DLG2: variants seen among roughly 807,000 people sequenced by gnomAD.
The protein encoded by DLG2 is disks large homolog 2.
A neutral mutation model predicts 132.5 loss-of-function variants in DLG2; 45 were observed. That is an observed-to-expected ratio of 0.34 (90% CI 0.27 to 0.44). DLG2 has a LOEUF of 0.44. DLG2 is among the 20% of genes least tolerant of loss of function. The pLI is 1.00. For missense variants in DLG2, 1,045 were observed against 1,196.9 expected (o/e 0.87, Z 1.87); for synonymous variants, 424 against 419.6 (o/e 1.01, Z -0.13).
At chr11:84,561,890 A>G (rs1313874573) in intron 6 of DLG2, among the ~76,000 whole-genome samples, 1 of 152,166 alleles carries the variant, frequency 6.6e-6, no homozygotes, top group East Asian at 1.9e-4. Flanking sequence ...ATATATGTCA[A>G]ACGAAATTGC....
chr11:83,791,973 T>A (rs995216616), intron 17 of DLG2, among the ~76,000 whole-genome samples: 1 of 152,266 alleles, frequency 6.6e-6, no homozygotes, highest in African/African-American at 2.4e-5. Flanking sequence ...ATTGCCTTTT[T>A]ATTTAACTGA....
At chr11:83,792,165 T>C (rs1452657308) in intron 17 of DLG2, among the ~76,000 whole-genome samples, 1 of 152,184 alleles carries the variant, frequency 6.6e-6, no homozygotes, top group Non-Finnish European at 1.5e-5. Flanking sequence ...TTGTTAAGGT[T>C]GTTTCCAGTT....
intron 6 of DLG2, among the ~76,000 whole-genome samples, chr11:85,108,606 T>C (rs1376404929): frequency 6.6e-6 from 1 of 152,058 alleles, no homozygotes; most frequent in Non-Finnish European, 1.5e-5. Flanking sequence ...TATTTCATCA[T>C]TTTTTAAATA....
chr11:85,402,517 T>G (rs1272965698), intron 3 of DLG2, among the ~76,000 whole-genome samples: 1 of 151,890 alleles, frequency 6.6e-6, no homozygotes, highest in African/African-American at 2.4e-5. Flanking sequence ...AAAGAGCTTC[T>G]GCACAGCAAA....
At chr11:84,108,150 G>A (rs973804622) in intron 9 of DLG2, among the ~76,000 whole-genome samples, 3 of 152,110 alleles carry the variant, frequency 2.0e-5, no homozygotes, top group Non-Finnish European at 4.4e-5. Flanking sequence ...ATGGAGATAC[G>A]ATAAGGTGAA....
At chr11:83,771,577 C>A (rs1417869526) in intron 18 of DLG2, among the ~76,000 whole-genome samples, 1 of 152,122 alleles carries the variant, frequency 6.6e-6, no homozygotes, top group African/African-American at 2.4e-5. Context: ...TGTTACTGTA[C>A]TGAATACTCT....
rs531470200 is a variant in DLG2 at position 85,317,922 on chromosome 11, A to G, written c.41-32557T>C. 8.6e-5 allele frequency among the ~76,000 whole-genome samples: 13 copies of G among 151,990 alleles called. No individual in the cohort carries two copies. In the South Asian group the frequency reaches 2.7e-3, roughly 32 times the overall value. ...GAACCTAAAAAAAAAATAGCACCCA[A>G]TTTAGGATATATTTCATGTAAGTGT... is the stretch of plus-strand genomic sequence containing the variant. On this transcript the variant is annotated intron_variant, in intron 3 of 27. Coordinates refer to ENST00000376104, the MANE Select transcript of DLG2 (RefSeq NM_001142699.3).
chr11:84,719,755 T>C (rs2061588719), intron 6 of DLG2, among the ~76,000 whole-genome samples: 1 of 152,086 alleles, frequency 6.6e-6, no homozygotes, highest in Non-Finnish European at 1.5e-5. Context: ...TGATTTCAAG[T>C]GGATTGTATA....
intron 6 of DLG2, among the ~76,000 whole-genome samples, chr11:84,829,889 G>T (rs1298729442): frequency 6.6e-6 from 1 of 151,536 alleles, no homozygotes; most frequent in African/African-American, 2.4e-5. Context: ...CCTAACTCAG[G>T]TCTACATTAA....
chr11:84,918,620 A>G (rs1474559230), intron 6 of DLG2, among the ~76,000 whole-genome samples: 1 of 152,148 alleles, frequency 6.6e-6, no homozygotes, highest in Non-Finnish European at 1.5e-5. Context: ...TTAGGCTTCA[A>G]TAAATTGTTT....
chr11:83,552,108 G>A (rs750646260), intron 19 of DLG2, among the ~76,000 whole-genome samples: 44 of 152,134 alleles, frequency 2.9e-4, no homozygotes, highest in Non-Finnish European at 5.6e-4. Context: ...CTAGTAAAAC[G>A]AGATTGGCAA....
At chr11:84,508,964 A>T (rs1432278680) in intron 7 of DLG2, among the ~76,000 whole-genome samples, 1 of 152,230 alleles carries the variant, frequency 6.6e-6, no homozygotes, top group Non-Finnish European at 1.5e-5. Context: ...CTACCAATGT[A>T]TAAAAATTAG....
At chr11:85,020,616 C>T in intron 6 of DLG2, among the ~76,000 whole-genome samples, 1 of 152,114 alleles carries the variant, frequency 6.6e-6, no homozygotes, top group East Asian at 1.9e-4. Flanking sequence ...AGTCTTTAAT[C>T]CATCTTGAAT....
chr11:83,919,717 C>T (rs1191012552), intron 15 of DLG2, among the ~76,000 whole-genome samples: 5 of 152,144 alleles, frequency 3.3e-5, no homozygotes, highest in Non-Finnish European at 5.9e-5. Flanking sequence ...GTTTCCTCAT[C>T]TGGAAAATAT....
chr11:84,162,314 A>T (rs1000679818), intron 9 of DLG2, among the ~76,000 whole-genome samples: 15 of 151,952 alleles, frequency 9.9e-5, no homozygotes, highest in Admixed American at 3.9e-4. Context: ...GAGTGTATTT[A>T]TGTATATATA....
intron 7 of DLG2, among the ~76,000 whole-genome samples, chr11:84,355,082 C>A (rs1413686397): frequency 2.6e-5 from 4 of 151,980 alleles, no homozygotes; most frequent in African/African-American, 9.7e-5. Flanking sequence ...GTATAGTTCT[C>A]CTACCCCAGA....
intron 18 of DLG2, chr11:83,693,610 T>C (rs1329897574): frequency 6.6e-6 from 1 of 152,178 alleles, no homozygotes; most frequent in African/African-American, 2.4e-5. Context: ...TCACATTGTT[T>C]TGTCCTTGCT....
At chr11:84,902,048 C>CA (rs918761121) in intron 6 of DLG2, among the ~76,000 whole-genome samples, 65 of 151,642 alleles carry the variant, frequency 4.3e-4, no homozygotes, top group African/African-American at 1.0e-3. Flanking sequence ...ACTACAAATT[C>CA]AAAAAAAACT....
At chr11:83,548,783 A>T (rs2096302697) in intron 19 of DLG2, among the ~76,000 whole-genome samples, 1 of 152,198 alleles carries the variant, frequency 6.6e-6, no homozygotes, top group Admixed American at 6.6e-5. Context: ...TAAGATAAAG[A>T]AGCTGAGATA....
Sources: gnomAD v4.1 joint callset for allele counts (sites outside exome capture counted in the v4.1 genomes callset) on GRCh38, gnomAD v4.1.1 for gene constraint, MANE v1.5 for transcripts, NCBI Gene and HGNC (gene_info 2026-07-23, HGNC 2026-07-21) for gene names.